MED23: variants seen among roughly 807,000 people sequenced by gnomAD.
The protein encoded by MED23 is mediator complex subunit 23, also known as mediator of RNA polymerase II transcription subunit 23.
In MED23, 105 loss-of-function variants were observed where a neutral mutation model predicts 163.9. The ratio of observed to expected loss-of-function variants is 0.64; its 90% CI spans 0.55 to 0.75. MED23 has a LOEUF of 0.75. MED23 is among the 30% of genes least tolerant of loss of function. The pLI, the probability that MED23 is intolerant of heterozygous loss-of-function variation, is 0.00. For synonymous variants in MED23, 561 were observed against 565.6 expected, an observed-to-expected ratio of 0.99 and a Z score of 0.12; for missense variants, 1,054 against 1,649.0, an observed-to-expected ratio of 0.64 and a Z score of 6.25.
At chr6:131,613,872 A>T (rs975511743) in intron 10 of MED23, among the ~76,000 whole-genome samples, 1 of 152,138 alleles carries the variant, frequency 6.6e-6, no homozygotes. Flanking sequence ...GTTTGAGAAG[A>T]GCTGCCCGCC....
downstream of MED23, chr6:131,583,822 A>G (rs778360659): frequency 1.2e-6 from 2 of 1,614,176 alleles, no homozygotes; most frequent in East Asian, 2.2e-5. Context: ...AACAGTGAAC[A>G]CAGCAGTTGC....
At chr6:131,576,563 A>T in intron 30 of MED23, 3 of 1,154,790 alleles carry the variant, frequency 2.6e-6, no homozygotes, top group Non-Finnish European at 3.9e-6. Flanking sequence ...TCAAAAAATG[A>T]TAGTTACAGT....
chr6:131,627,983 G>T (rs1414746852), intron 1 of MED23, 28 bp downstream of exon 1: 2 of 1,613,718 alleles, frequency 1.2e-6, no homozygotes, highest in Non-Finnish European at 1.7e-6. Flanking sequence ...CCAAGCCGTA[G>T]TCCTGGATGG....
chr6:131,582,826 C>A, downstream of MED23: 1 of 878,172 alleles, frequency 1.1e-6, no homozygotes, highest in African/African-American at 1.6e-5. Context: ...CACACACACA[C>A]ACACATGCCC....
At chr6:131,625,224 T>A (rs1166620274) in intron 3 of MED23, among the ~76,000 whole-genome samples, 3 of 152,230 alleles carry the variant, frequency 2.0e-5, no homozygotes, top group Admixed American at 1.3e-4. Context: ...TTTTATTACA[T>A]GGGAACTTCA....
downstream of MED23, among the ~76,000 whole-genome samples, chr6:131,586,042 G>T (rs969717120): frequency 6.6e-6 from 1 of 152,148 alleles, no homozygotes; most frequent in African/African-American, 2.4e-5. Flanking sequence ...ATACATTGAC[G>T]CTATGCTAAG....
chr6:131,605,772 C>T (rs1026592704), intron 13 of MED23, among the ~76,000 whole-genome samples: 1 of 152,100 alleles, frequency 6.6e-6, no homozygotes, highest in Non-Finnish European at 1.5e-5. Context: ...AGAAATAACT[C>T]ACAAGTCTAT....
intron 10 of MED23, chr6:131,615,551 C>T (rs925608582): frequency 7.6e-5 from 34 of 444,652 alleles, no homozygotes; most frequent in Middle Eastern, 5.9e-4. Context: ...AAGAAGGCCA[C>T]GCTGAAGATA....
intron 12 of MED23, among the ~76,000 whole-genome samples, chr6:131,607,185 G>A (rs1000488475): frequency 1.3e-5 from 2 of 151,566 alleles, no homozygotes; most frequent in African/African-American, 4.8e-5. Flanking sequence ...ATTTCTTGAT[G>A]ATGGGTATAA....
intron 4 of MED23, among the ~76,000 whole-genome samples, chr6:131,624,102 A>G (rs1340888081): frequency 6.6e-6 from 1 of 152,192 alleles, no homozygotes. Context: ...CTTGTGGTAC[A>G]CTGGATTTTT....
chr6:131,581,781 T>C (rs937764237), downstream of MED23, among the ~76,000 whole-genome samples: 6 of 152,198 alleles, frequency 3.9e-5, no homozygotes, highest in Non-Finnish European at 8.8e-5. Flanking sequence ...TCTTACTGAG[T>C]AGTCCTTCTA....
Position 131,614,841 on chromosome 6 carries a change from T to C in MED23, c.876+1066A>G, listed in dbSNP as rs114808588. ...TTTTTGTGTTGTTTTTAATTTGTTT[T>C]TGTTTTAAGGCAAAGCAACATAAGT... On this transcript the variant is annotated intron_variant, in intron 10 of 28. Coordinates refer to ENST00000368068, the MANE Select transcript of MED23 (RefSeq NM_004830.4). Among the ~76,000 whole-genome samples, 1,208 of 152,172 alleles carry C rather than the reference T, an allele frequency of 7.9e-3. 13 individuals are homozygous for C. The highest frequency in any genetic ancestry group is 0.028 in the African/African-American group (1,154 of 41,550).
At chr6:131,615,397 A>T (rs1004184378) in intron 10 of MED23, 24 of 1,573,420 alleles carry the variant, frequency 1.5e-5, no homozygotes, top group Non-Finnish European at 2.0e-5. Context: ...ATAAAGGAAG[A>T]AAAAAAGAAA....
intron 27 of MED23, 87 bp from the exon 28 acceptor site, chr6:131,589,683 G>A: frequency 3.3e-6 from 4 of 1,218,156 alleles, no homozygotes; most frequent in Non-Finnish European, 4.8e-6. Context: ...TACAACACTA[G>A]CACCGGGGGA....
intron 14 of MED23, 104 bp from the exon 15 acceptor site, chr6:131,604,424 T>C: frequency 7.9e-7 from 1 of 1,266,136 alleles, no homozygotes; most frequent in East Asian, 2.5e-5. Context: ...ACTTAAATGA[T>C]TCAAATGAAG....
rs917020235 is a variant in MED23 at position 131,615,503 on chromosome 6, C to CAAAAAAAAAAAAAAA, written c.876+389_876+403dup. ...CCACCAAAAACAAGCAAACACACAC[C>CAAAAAAAAAAAAAAA]AAAAAAAAAAAAAAAAAAAAAAAAA... On this transcript the variant is annotated intron_variant, in intron 10 of 28. Transcript: ENST00000368068. 1.2e-3 allele frequency among the ~76,000 whole-genome samples: 17 copies of CAAAAAAAAAAAAAAA among 14,160 alleles called. 4 individuals carry two copies. The highest frequency in any genetic ancestry group is 3.3e-3 in the Admixed American group (3 of 918). The allele number at this position is 14,160 out of a possible 152,430, so 9.3% of individuals were successfully genotyped here.
intron 13 of MED23, among the ~76,000 whole-genome samples, chr6:131,605,742 G>C (rs1267842092): frequency 3.3e-5 from 5 of 152,120 alleles, no homozygotes; most frequent in Admixed American, 6.5e-5. Flanking sequence ...CACCATATTA[G>C]GCTAAGTTTC....
chr6:131,601,023 G>C (rs1441455019), intron 17 of MED23, among the ~76,000 whole-genome samples: 1 of 147,114 alleles, frequency 6.8e-6, no homozygotes, highest in Non-Finnish European at 1.5e-5. Context: ...ACTGAGCACT[G>C]AGTTAAATCA....
chr6:131,615,702 T>A (rs570735095), intron 10 of MED23: 1 of 633,542 alleles, frequency 1.6e-6, no homozygotes, highest in South Asian at 1.7e-5. Flanking sequence ...AAACCAACTT[T>A]AAAAATTTTT....
Sources: allele counts gnomAD v4.1 joint callset (sites outside exome capture counted in the v4.1 genomes callset), GRCh38; gene constraint gnomAD v4.1.1; transcripts MANE v1.5; gene names NCBI Gene and HGNC (gene_info 2026-07-23, HGNC 2026-07-21).